The following PDE11A variants were observed in gnomAD, a reference collection of about 807,000 sequenced individuals.
The protein encoded by PDE11A is dual 3',5'-cyclic-AMP and -GMP phosphodiesterase 11A.
PDE11A carries 100 observed loss-of-function variants against 100.5 expected under a neutral mutation model. The observed-to-expected ratio is 1.00, with a 90% CI of 0.85 to 1.18. The LOEUF is 1.18. Among genes scored for constraint, PDE11A ranks in the 50% most tolerant of loss-of-function variants. PDE11A has a pLI of 0.00. For synonymous variants in PDE11A, 381 were observed against 420.8 expected, an observed-to-expected ratio of 0.91 and a Z score of 1.16; for missense variants, 1,141 against 1,152.6, an observed-to-expected ratio of 0.99 and a Z score of 0.15.
intron 12 of PDE11A, among the ~76,000 whole-genome samples, chr2:177,713,421 C>A (rs2081385762): frequency 6.6e-6 from 1 of 151,952 alleles, no homozygotes; most frequent in Non-Finnish European, 1.5e-5. Context: ...TGAAATAGTC[C>A]ATGTCAAAGC....
chr2:177,942,572 T>C (rs1162561654), intron 2 of PDE11A, among the ~76,000 whole-genome samples: 1 of 152,090 alleles, frequency 6.6e-6, no homozygotes, highest in African/African-American at 2.4e-5. Flanking sequence ...CCAGCTAATT[T>C]TGTATTTTTA....
chr2:178,017,720 G>T (rs1302404289), intron 1 of PDE11A, among the ~76,000 whole-genome samples: 3 of 152,106 alleles, frequency 2.0e-5, no homozygotes, highest in African/African-American at 7.2e-5. Context: ...CAGCACGTTG[G>T]GAGGCTGAGG....
intron 1 of PDE11A, among the ~76,000 whole-genome samples, chr2:178,033,648 G>C (rs980425340): frequency 3.9e-5 from 6 of 152,196 alleles, no homozygotes; most frequent in African/African-American, 1.4e-4. Context: ...AGCAGCCAGA[G>C]AGAAAGGTCA....
chr2:177,643,405 G>C (rs986751393), intron 19 of PDE11A, among the ~76,000 whole-genome samples: 3 of 152,198 alleles, frequency 2.0e-5, no homozygotes, highest in Non-Finnish European at 4.4e-5. Flanking sequence ...TTTTAGCAAA[G>C]AGACTGGCAG....
At chr2:177,868,577 A>G (rs1356822960) in intron 5 of PDE11A, among the ~76,000 whole-genome samples, 2 of 152,246 alleles carry the variant, frequency 1.3e-5, no homozygotes, top group African/African-American at 2.4e-5. Flanking sequence ...TTGATTATAC[A>G]CAAGGGAAAA....
intron 4 of PDE11A, among the ~76,000 whole-genome samples, chr2:177,878,270 C>A (rs1466299232): frequency 6.6e-6 from 1 of 152,118 alleles, no homozygotes; most frequent in Admixed American, 6.5e-5. Flanking sequence ...TCTTCTATCC[C>A]ATATTCTTCT....
At chr2:177,777,150 T>C (rs1471791590) in intron 9 of PDE11A, among the ~76,000 whole-genome samples, 1 of 152,158 alleles carries the variant, frequency 6.6e-6, no homozygotes, top group Non-Finnish European at 1.5e-5. Context: ...GGGTATGCCT[T>C]TATTAGCAGA....
chr2:178,060,626 C>G (rs555111492), intron 1 of PDE11A, among the ~76,000 whole-genome samples: 2 of 152,264 alleles, frequency 1.3e-5, no homozygotes, highest in Admixed American at 1.3e-4. Flanking sequence ...CGAATTCGGT[C>G]TGATTCTGAA....
intron 9 of PDE11A, among the ~76,000 whole-genome samples, chr2:177,779,865 C>A (rs1471717056): frequency 6.6e-6 from 1 of 152,154 alleles, no homozygotes; most frequent in Non-Finnish European, 1.5e-5. Flanking sequence ...AATGGTGAAT[C>A]CTTTCTAGAA....
chr2:178,080,491 T>C (rs1226064100), intron 2 of PDE11A, among the ~76,000 whole-genome samples: 1 of 152,180 alleles, frequency 6.6e-6, no homozygotes, highest in Admixed American at 6.5e-5. Context: ...CTCTATTCTG[T>C]TCCATTGGTC....
At chr2:177,870,644 G>A (rs1277315751) in intron 5 of PDE11A, among the ~76,000 whole-genome samples, 3 of 152,166 alleles carry the variant, frequency 2.0e-5, no homozygotes, top group East Asian at 3.8e-4. Context: ...AGTAATAAAC[G>A]TAATGGCTGA....
At chr2:178,027,456 T>C (rs1559046693) in intron 1 of PDE11A, among the ~76,000 whole-genome samples, 1 of 152,186 alleles carries the variant, frequency 6.6e-6, no homozygotes, top group Non-Finnish European at 1.5e-5. Context: ...GAAGTCATTA[T>C]GCTACTGAAT....
In PDE11A at chr2:178,071,949, G is replaced by A; in HGVS notation, c.489C>T (p.Ser163=). 1 of 1,614,116 alleles carries A rather than the reference G, an allele frequency of 6.2e-7. No homozygotes were observed. The highest frequency in any genetic ancestry group is 8.5e-7 in the Non-Finnish European group (1 of 1,179,966). The change falls in exon 1 of 20, where the codon TCC becomes TCT. Residue 163 remains serine (S), a synonymous_variant. Coordinates refer to ENST00000286063, the MANE Select transcript of PDE11A (RefSeq NM_016953.4). ...GAATATGGGCTGTGGTGGGGGGCAGGGAGCTTGCCTTCCGGAGAAGTGCCC... is the reference window on the plus strand; with the variant it reads ...GAATATGGGCTGTGGTGGGGGGCAGAGAGCTTGCCTTCCGGAGAAGTGCCC... ...RRRALLRKAS[S]LPPTTAHILS... is the part of the protein sequence containing the mutation.
Position 177,987,462 on chromosome 2 carries a change from CAA to C in PDE11A, c.1071+26838_1071+26839del, listed in dbSNP as rs536642083. On this transcript the variant is annotated intron_variant, in intron 2 of 19. Coordinates refer to ENST00000286063, the MANE Select transcript of PDE11A (RefSeq NM_016953.4). Reference sequence around the variant, plus strand: ...ACTTTGAACCACATTTTTCTTATCTCAAAGTGGGGATAATGATACATACCAAA... The same window carrying C: ...ACTTTGAACCACATTTTTCTTATCTCAGTGGGGATAATGATACATACCAAA... Among the ~76,000 whole-genome samples, 112 of 152,260 alleles carry C rather than the reference CAA, an allele frequency of 7.4e-4. 1 individual carries two copies. Among genetic ancestry groups the C allele is most frequent in the African/African-American group, 2.7e-3 (111 of 41,540 alleles).
At chr2:177,779,879 T>C (rs753328081) in intron 9 of PDE11A, among the ~76,000 whole-genome samples, 3 of 152,234 alleles carry the variant, frequency 2.0e-5, no homozygotes, top group Admixed American at 2.0e-4. Flanking sequence ...TCTAGAAGGT[T>C]TTCAATTTAT....
rs184352754 is a variant in PDE11A, at chr2:177,722,081, C to T, written c.2043+5577G>A. Among the ~76,000 whole-genome samples the T allele has an allele frequency of 4.2e-3, 638 of 152,078 alleles. 3 individuals are homozygous for T. Among genetic ancestry groups the T allele is most frequent in the Non-Finnish European group, 6.9e-3 (469 of 67,988 alleles). ...TTGGCTGGCGTCATAAAACACAAAGCGACAGATTAAGCAGTTTACCAACAT... is the reference window on the plus strand; with the variant it reads ...TTGGCTGGCGTCATAAAACACAAAGTGACAGATTAAGCAGTTTACCAACAT... On this transcript the variant is annotated intron_variant, in intron 12 of 19. Transcript: ENST00000286063.
chr2:177,999,544 A>C lies in PDE11A; in HGVS notation c.1071+14758T>G, dbSNP rs140179984. Among the ~76,000 whole-genome samples the C allele has an allele frequency of 1.6e-4, 25 of 152,338 alleles. 1 individual carries two copies. The East Asian group carries it at 4.4e-3, about 27-fold the overall frequency. Reference sequence around the variant, plus strand: ...GGTTTTTTGTAAATGAAGTATACCAAATAACCAAGCACTGAGAATGGAGTT... The same window carrying C: ...GGTTTTTTGTAAATGAAGTATACCACATAACCAAGCACTGAGAATGGAGTT... On this transcript the variant is annotated intron_variant, in intron 2 of 19. Coordinates refer to ENST00000286063, the MANE Select transcript of PDE11A (RefSeq NM_016953.4).
rs1159593848 is a variant in PDE11A, at chr2:177,820,288, T to G, written c.1508A>C (p.Gln503Pro). The change falls in exon 7 of 20, where the codon CAG (glutamine) becomes CCG (proline). Residue 503 changes from glutamine to proline, a missense_variant. Transcript: ENST00000286063. ...QDPRFDAEADQISGFHIRSVL... is the reference protein window; with the variant it reads ...QDPRFDAEADPISGFHIRSVL... The stretch of plus-strand genomic sequence containing the variant: ...AGATCTTATGTGAAAACCAGATATC[T>G]GGTCTGCCTAGGAAACAAGAAAGAA... 1.3e-6 allele frequency: 2 copies of G among 1,567,256 alleles called. No homozygotes were observed. The highest frequency in any genetic ancestry group is 2.2e-5 in the East Asian group (1 of 44,548).
In PDE11A at chr2:177,623,269, TA is replaced by T. The variant is rs1460791860; in HGVS notation, c.*6137del. On this transcript the variant is annotated 3_prime_UTR_variant, in exon 20 of 20. Coordinates refer to ENST00000286063, the MANE Select transcript of PDE11A (RefSeq NM_016953.4). ...TTTAGTTAAACTCTAAGTATTTTAT[TA>T]AAAACAAAGATATTCAGGTCTCTTA... is the stretch of plus-strand genomic sequence containing the variant. 6.6e-6 allele frequency: 1 copy of T among 152,200 alleles called. No homozygotes were observed. The highest frequency in any genetic ancestry group is 6.5e-5 in the Admixed American group (1 of 15,270). 9.4% of individuals were successfully genotyped at this position (152,200 alleles called of 1,614,324 possible).
Sources: gnomAD v4.1 joint callset for allele counts (sites outside exome capture counted in the v4.1 genomes callset) on GRCh38, gnomAD v4.1.1 for gene constraint, MANE v1.5 for transcripts, NCBI Gene and HGNC (gene_info 2026-07-23, HGNC 2026-07-21) for gene names.